PDE4C: variants seen among roughly 807,000 people sequenced by gnomAD.
PDE4C encodes 3',5'-cyclic-AMP phosphodiesterase 4C.
A neutral mutation model predicts 63.9 loss-of-function variants in PDE4C; 50 were observed. The ratio of observed to expected loss-of-function variants is 0.78; its 90% CI spans 0.62 to 0.99. The LOEUF (loss-of-function observed/expected upper bound fraction) is 0.99. PDE4C is among the 50% of genes least tolerant of loss of function. The pLI is 0.00. For missense variants in PDE4C, 777 were observed against 899.1 expected (o/e 0.86, Z 1.74); for synonymous variants, 377 against 385.1 (o/e 0.98, Z 0.25).
exon 1 of PDE4C, chr19:18,233,301 A>C (rs1351897066): frequency 6.9e-7 from 1 of 1,455,104 alleles, no homozygotes. Context: ...TGGAGGCGAC[A>C]GCGAGGAGCT....
upstream of PDE4C, among the ~76,000 whole-genome samples, chr19:18,229,102 A>ATTTT (rs56379821): frequency 3.1e-4 from 38 of 124,536 alleles, no homozygotes; most frequent in South Asian, 5.4e-4. Flanking sequence ...TGCCAAGCTA[A>ATTTT]TTTTTTTTTT....
At chr19:18,245,491 G>A (rs1030392249) in intron 1 of PDE4C, among the ~76,000 whole-genome samples, 3 of 151,986 alleles carry the variant, frequency 2.0e-5, no homozygotes, top group Admixed American at 6.6e-5. Flanking sequence ...AACCTGCCTC[G>A]GGGCCTTTGC....
intron 4 of PDE4C, 52 bp downstream of exon 4, chr19:18,221,053 C>CCAGGCCCCGCCCCACCCCGA: frequency 2.4e-6 from 3 of 1,259,450 alleles, no homozygotes; most frequent in Non-Finnish European, 3.4e-6. Flanking sequence ...CCGCTTTCCG[C>CCAGGCCCCGCCCCACCCCGA]CCACCTTGTC....
intron 11 of PDE4C, among the ~76,000 whole-genome samples, chr19:18,217,833 G>T (rs1436760554): frequency 6.6e-6 from 1 of 152,086 alleles, no homozygotes; most frequent in East Asian, 1.9e-4. Flanking sequence ...GGAGGTAGAG[G>T]TTGCAGTGAG....
At chr19:18,232,757 C>T (rs188733051) in intron 1 of PDE4C, among the ~76,000 whole-genome samples, 9 of 152,280 alleles carry the variant, frequency 5.9e-5, no homozygotes, top group Non-Finnish European at 1.0e-4. Flanking sequence ...GTCACACAGA[C>T]CCACAAGCCA....
chr19:18,209,937 A>C (rs1324063130), downstream of PDE4C: 1 of 149,726 alleles, frequency 6.7e-6, no homozygotes, highest in African/African-American at 2.5e-5. Context: ...CAGGTGATCC[A>C]CCTGCCTCAG....
At chr19:18,208,902 G>C (rs1055528433), downstream of PDE4C, 6 of 152,140 alleles carry the variant, frequency 3.9e-5, no homozygotes, top group African/African-American at 9.7e-5. Flanking sequence ...AGACCTGCTA[G>C]AGAGGGAAAA....
chr19:18,226,401 G>C (rs1256733698), exon 1 of PDE4C: 19 of 1,441,506 alleles, frequency 1.3e-5, no homozygotes, highest in Admixed American at 2.7e-5. Flanking sequence ...GGGCGGGCGC[G>C]GGGGGGCCCT....
chr19:18,211,637 G>T, intron 14 of PDE4C, 122 bp downstream of exon 14: 1 of 1,095,546 alleles, frequency 9.1e-7, no homozygotes, highest in South Asian at 1.4e-5. Flanking sequence ...GGCCCAGACA[G>T]CACCCTTCAG....
At chr19:18,229,456 G>A (rs1285864304), upstream of PDE4C, among the ~76,000 whole-genome samples, 1 of 152,096 alleles carries the variant, frequency 6.6e-6, no homozygotes, top group Non-Finnish European at 1.5e-5. Context: ...GGCCAGGCTG[G>A]TCTTGAACTC....
rs370109192 is a variant in PDE4C at position 18,233,137 on chromosome 19, A to G, written c.55T>C (p.Ser19Pro). 1.3e-4 allele frequency: 201 copies of G among 1,558,664 alleles called. No individual in the cohort carries two copies. In the African/African-American group the frequency reaches 2.5e-3, roughly 20 times the overall value. ...CTGGTCATGCTGTGGCGGCCGCGAG[A>G]GCGACTCAACCTGCTGCAAGCCTCT... Residue 19 changes from serine to proline, a missense_variant, in exon 1 of 15, where the codon TCT (serine) becomes CCT (proline). Physicochemically the swap from Ser to Pro is moderately conservative, Grantham distance 74. Coordinates refer to the PDE4C transcript ENST00000594465.
chr19:18,237,191 T>G (rs1208490861), upstream of PDE4C: 1 of 152,812 alleles, frequency 6.5e-6, no homozygotes, highest in Admixed American at 6.5e-5. Flanking sequence ...CTGAGTGAAT[T>G]TACCTCTCTG....
Position 18,220,978 on chromosome 19 carries a change from A to G in PDE4C, c.450-55T>C. On this transcript the variant is annotated intron_variant, in intron 4 of 14. Transcript: ENST00000262805. This position sits in a 1 kb window ranked among gnomAD's most constrained non-coding sequence, Gnocchi z 5.1. ...CTCCGCCCATCTCGCCCCGCCCCCA[A>G]GTCCACCAGGCCCCGCCCCTCAAAC... The G allele has an allele frequency of 6.4e-7, 1 of 1,564,228 alleles. No individual in the cohort carries two copies. The highest frequency in any genetic ancestry group is 8.7e-7 in the Non-Finnish European group (1 of 1,154,690).
chr19:18,221,113 T>C (rs1333928554), exon 4 of PDE4C: 1 of 1,327,730 alleles, frequency 7.5e-7, no homozygotes, highest in East Asian at 2.9e-5. Context: ...ACTTGGCTGC[T>C]CCTAGGCATT....
upstream of PDE4C, chr19:18,249,991 ATGTTTTCACACGAGTCCATAACTCG>A (rs1440035245): frequency 5.0e-5 from 20 of 397,368 alleles, no homozygotes; most frequent in African/African-American, 3.7e-4. Flanking sequence ...TGCTCAGTTA[ATGTTTTCACACGAGTCCATAACTCG>A]TGTTTTCACA....
chr19:18,221,052 G>GCCAGGCCCCCCCCCCCCCC, intron 4 of PDE4C, 53 bp downstream of exon 4: 3 of 1,245,312 alleles, frequency 2.4e-6, no homozygotes, highest in Non-Finnish European at 2.3e-6. Context: ...CCCGCTTTCC[G>GCCAGGCCCCCCCCCCCCCC]CCCACCTTGT....
At chr19:18,216,055 T>A (rs1420043541) in intron 12 of PDE4C, among the ~76,000 whole-genome samples, 8 of 151,932 alleles carry the variant, frequency 5.3e-5, no homozygotes, top group Admixed American at 3.3e-4. Flanking sequence ...GGTCTCGAAC[T>A]CTTGACCTCA....
At chr19:18,228,149 G>C (rs1968781513), upstream of PDE4C, among the ~76,000 whole-genome samples, 1 of 151,966 alleles carries the variant, frequency 6.6e-6, no homozygotes, top group Non-Finnish European at 1.5e-5. Flanking sequence ...GGGGACACTG[G>C]AGCCAAGGTC....
At chr19:18,251,913 T>TAG (rs1258073047), upstream of PDE4C, among the ~76,000 whole-genome samples, 22 of 151,518 alleles carry the variant, frequency 1.5e-4, no homozygotes, top group South Asian at 4.4e-3. Context: ...TAAATGCGCA[T>TAG]AGCATGAAGA....
Sources: gnomAD v4.1 joint callset for allele counts (sites outside exome capture counted in the v4.1 genomes callset) on GRCh38, gnomAD v4.1.1 for gene constraint, Gnocchi (gnomAD v3.1) non-coding constraint, MANE v1.5 for transcripts, NCBI Gene and HGNC (gene_info 2026-07-23, HGNC 2026-07-21) for gene names.